Variants in SPOUT1 observed in about 807,000 individuals in gnomAD.
SPOUT1 encodes SPOUT domain containing methyltransferase 1, also known as 28S rRNA (uridine-N(3))-methyltransferase.
In SPOUT1, 40 loss-of-function variants were observed where a neutral mutation model predicts 54.8. The ratio of observed to expected loss-of-function variants is 0.73; its 90% CI spans 0.57 to 0.95. SPOUT1 has a LOEUF of 0.95. Ranked by LOEUF, SPOUT1 falls within the 40% of genes least tolerant of loss-of-function variation. The pLI, the probability that SPOUT1 is intolerant of heterozygous loss-of-function variation, is 0.00. For synonymous variants in SPOUT1, 193 were observed against 200.3 expected (o/e 0.96, Z 0.31); for missense variants, 437 against 499.5 (o/e 0.87, Z 1.19).
In SPOUT1 at chr9:128,820,979, C is replaced by A; in HGVS notation, c.*1786G>T. 2 of 792,588 alleles carry A rather than the reference C, an allele frequency of 2.5e-6. No individual in the cohort carries two copies. Among genetic ancestry groups the A allele is most frequent in the Non-Finnish European group, 4.1e-6 (2 of 492,564 alleles). The allele number at this position is 792,588 out of a possible 1,614,324, so 49.1% of individuals were successfully genotyped here. A position where few individuals can be genotyped will look rare whatever the true frequency, so the allele number is the denominator to read the frequency against. ...CTACTCATCTGGTTTCTTGGCAAGC[C>A]TGTCAGCTTCCCTGCCTCGAGTCCC... On this transcript the variant is annotated 3_prime_UTR_variant, in exon 12 of 12. Transcript: ENST00000361256.
At position 128,826,311 on chromosome 9, in the gene SPOUT1, G is replaced by A. The variant is rs1025097250; in HGVS notation, c.508+73C>T. On this transcript the variant is annotated intron_variant, in intron 6 of 11. Transcript: ENST00000361256. The surrounding 1 kb of genome is among the most constrained non-coding windows in gnomAD (Gnocchi z 5.5). Reference sequence around the variant, plus strand: ...CTGCTTTCCCACCTGGACAGCGCAGGGTAGGACTGGGTGGTCTCAGTGTCT... The same window carrying A: ...CTGCTTTCCCACCTGGACAGCGCAGAGTAGGACTGGGTGGTCTCAGTGTCT... 3.8e-6 allele frequency: 6 copies of A among 1,577,544 alleles called. No homozygotes were observed. The highest frequency in any genetic ancestry group is 1.7e-5 in the Admixed American group (1 of 59,950).
In SPOUT1 at chr9:128,822,308, G is replaced by T; in HGVS notation, c.*457C>A. On this transcript the variant is annotated 3_prime_UTR_variant, in exon 12 of 12. Coordinates refer to ENST00000361256, the MANE Select transcript of SPOUT1 (RefSeq NM_016390.4). ...GTTCATCCAGGCCCCCTGCCCACGT[G>T]TGCCTGGGTCTGCCCACAGGACAGA... 1 of 1,607,654 alleles carries T rather than the reference G, an allele frequency of 6.2e-7. No homozygotes were observed.
At position 128,822,558 on chromosome 9, in the gene SPOUT1, A is replaced by C. The variant is rs1382094939; in HGVS notation, c.*207T>G. 6.4e-7 allele frequency: 1 copy of C among 1,563,886 alleles called. No individual in the cohort carries two copies. The highest frequency in any genetic ancestry group is 2.3e-5 in the East Asian group (1 of 42,646). On this transcript the variant is annotated 3_prime_UTR_variant, in exon 12 of 12. Transcript: ENST00000361256. ...GCTTCGGGGCTGCTCTTTGTGCCAAACATCCTGGCGCGGGCAGGCAGCCTC... is the reference window on the plus strand; with the variant it reads ...GCTTCGGGGCTGCTCTTTGTGCCAACCATCCTGGCGCGGGCAGGCAGCCTC...
chr9:128,829,722 G>A (rs529517822), intron 1 of SPOUT1, 23 bp downstream of exon 1: 1 of 1,574,236 alleles, frequency 6.4e-7, no homozygotes, highest in Non-Finnish European at 8.7e-7. Context: ...TGCCCTGCAC[G>A]GGGTCCCGCC....
intron 7 of SPOUT1, 83 bp downstream of exon 7, chr9:128,825,939 G>A: frequency 2.5e-6 from 4 of 1,581,310 alleles, no homozygotes; most frequent in Non-Finnish European, 3.5e-6. Flanking sequence ...CAGGTCCAGG[G>A]CTCTCCGCAA....
intron 9 of SPOUT1, 108 bp downstream of exon 9, chr9:128,824,663 G>GC (rs1830202681): frequency 1.3e-6 from 1 of 747,158 alleles, no homozygotes; most frequent in Non-Finnish European, 2.4e-6. Context: ...AGGACACACA[G>GC]CAAGTTGACA....
In SPOUT1 at chr9:128,820,602, C is replaced by T. The variant is rs1224711483; in HGVS notation, c.*2163G>A. On this transcript the variant is annotated 3_prime_UTR_variant, in exon 12 of 12. Coordinates refer to ENST00000361256, the MANE Select transcript of SPOUT1 (RefSeq NM_016390.4). ...GGGTTTCAGGGAGTGACTTTCATTC[C>T]TTGAGCCTCAGTTTCCCCCCGCTTG... is the stretch of plus-strand genomic sequence containing the variant. 1.4e-6 allele frequency: 1 copy of T among 714,186 alleles called. No homozygotes were observed. The highest frequency in any genetic ancestry group is 2.7e-5 in the East Asian group (1 of 36,916). The allele number at this position is 714,186 out of a possible 1,614,324, so 44.2% of individuals were successfully genotyped here.
chr9:128,829,723 G>A, intron 1 of SPOUT1, 22 bp downstream of exon 1: 3 of 1,577,194 alleles, frequency 1.9e-6, no homozygotes, highest in Admixed American at 1.8e-5. Flanking sequence ...GCCCTGCACG[G>A]GGTCCCGCCG....
intron 1 of SPOUT1, 127 bp downstream of exon 1, chr9:128,829,618 T>G (rs1330622554): frequency 1.3e-6 from 1 of 743,426 alleles, no homozygotes; most frequent in Admixed American, 2.7e-5. Context: ...TTCGGGGGCT[T>G]CCGGCCTGGG....
rs2977991 is a variant in SPOUT1, at chr9:128,826,955, C to T, written c.368+77G>A. 1 of 1,434,716 alleles carries T rather than the reference C, an allele frequency of 7.0e-7. No homozygotes were observed. The highest frequency in any genetic ancestry group is 2.3e-5 in the East Asian group (1 of 43,798). 88.9% of individuals were successfully genotyped at this position (1,434,716 alleles called of 1,614,324 possible). On this transcript the variant is annotated intron_variant, in intron 4 of 11. Transcript: ENST00000361256. The surrounding 1 kb of genome is among the most constrained non-coding windows in gnomAD (Gnocchi z 5.5). ...GGAAGAGCCAGGCATGTGGACGGGG[C>T]CATGGTGAAGCCTCGGCCCATCCCG... is the stretch of plus-strand genomic sequence containing the variant.
At chr9:128,824,298 G>A in intron 9 of SPOUT1, 124 bp from the exon 10 acceptor site, 1 of 560,290 alleles carries the variant, frequency 1.8e-6, no homozygotes, top group East Asian at 3.7e-5. Context: ...GTGTGTGTGT[G>A]TGCGTGTGTG....
chr9:128,828,823 C>T lies in SPOUT1; in HGVS notation c.120G>A (p.Leu40=). ...CCCGCTGCCGCTCCAGTTTTTTCAT[C>T]AGCTTGAGATCCTTCCATTTTTTTT... The part of the protein sequence containing the change: ...EEKKKWKDLK[L]MKKLERQRAQ... Residue 40 remains leucine (L), a synonymous_variant, in exon 3 of 12, where the codon CTG becomes CTA. Coordinates refer to ENST00000361256, the MANE Select transcript of SPOUT1 (RefSeq NM_016390.4). 6.2e-7 allele frequency: 1 copy of T among 1,614,196 alleles called. No individual in the cohort carries two copies. Among genetic ancestry groups the T allele is most frequent in the African/African-American group, 1.3e-5 (1 of 75,066 alleles).
rs1041211773 is a variant in SPOUT1 at position 128,820,914 on chromosome 9, G to C, written c.*1851C>G. The C allele has an allele frequency of 5.6e-6, 8 of 1,430,890 alleles. No individual in the cohort carries two copies. Among genetic ancestry groups the C allele is most frequent in the Admixed American group, 2.0e-5 (1 of 51,110 alleles). The allele number at this position is 1,430,890 out of a possible 1,614,324, so 88.6% of individuals were successfully genotyped here. A position where few individuals can be genotyped will look rare whatever the true frequency, so the allele number is the denominator to read the frequency against. On this transcript the variant is annotated 3_prime_UTR_variant, in exon 12 of 12. Transcript: ENST00000361256. ...CCTGAGGCCCCTACTGCCACTCACA[G>C]GGCCAGGCTTGCCCCAGGCTCTGGG...
Position 128,820,596 on chromosome 9 carries a change from T to G in SPOUT1, c.*2169A>C, listed in dbSNP as rs572385887. 20 of 690,556 alleles carry G rather than the reference T, an allele frequency of 2.9e-5. No individual in the cohort carries two copies. In the South Asian group the frequency reaches 3.3e-4, roughly 11 times the overall value. The allele number at this position is 690,556 out of a possible 1,614,324, so 42.8% of individuals were successfully genotyped here. ...AGCCCTGGGTTTCAGGGAGTGACTT[T>G]CATTCCTTGAGCCTCAGTTTCCCCC... is the stretch of plus-strand genomic sequence containing the variant. On this transcript the variant is annotated 3_prime_UTR_variant, in exon 12 of 12. Transcript: ENST00000361256.
intron 3 of SPOUT1, among the ~76,000 whole-genome samples, chr9:128,827,611 G>A (rs185235117): frequency 3.9e-5 from 6 of 152,352 alleles, no homozygotes; most frequent in Admixed American, 2.0e-4. Context: ...CTTCAGCCCC[G>A]GGAAGTCAAA....
At position 128,822,633 on chromosome 9, in the gene SPOUT1, G is replaced by C; in HGVS notation, c.*132C>G. On this transcript the variant is annotated 3_prime_UTR_variant, in exon 12 of 12. Transcript: ENST00000361256. Reference sequence around the variant, plus strand: ...TGAGGGTGGAGCCCAGTGAGACTGTGGGTGTGTGCAGGCCGGGGAGTATTA... The same window carrying C: ...TGAGGGTGGAGCCCAGTGAGACTGTCGGTGTGTGCAGGCCGGGGAGTATTA... The C allele has an allele frequency of 6.4e-7, 1 of 1,562,150 alleles. No individual in the cohort carries two copies.
At position 128,822,055 on chromosome 9, in the gene SPOUT1, A is replaced by G. The variant is rs897861327; in HGVS notation, c.*710T>C. On this transcript the variant is annotated 3_prime_UTR_variant, in exon 12 of 12. Transcript: ENST00000361256. ...AGTCTCCCCTCAGACGAATGTGAAT[A>G]TTCAGAAGGCTCGATTCTCCTAGCA... is the stretch of plus-strand genomic sequence containing the variant. The G allele has an allele frequency of 2.6e-5, 13 of 504,524 alleles. No homozygotes were observed. The highest frequency in any genetic ancestry group is 4.7e-5 in the Non-Finnish European group (13 of 277,858). The allele number at this position is 504,524 out of a possible 1,614,324, so 31.3% of individuals were successfully genotyped here. A position where few individuals can be genotyped will look rare whatever the true frequency, so the allele number is the denominator to read the frequency against.
chr9:128,819,766 A>G lies in SPOUT1; in HGVS notation c.*2999T>C, dbSNP rs4298587. ...CCTGAGCTTGTTTTCCTGCAACTAG[A>G]CAGTCCTATCTGGAGGTGATGGGCA... On this transcript the variant is annotated 3_prime_UTR_variant, in exon 12 of 12. Transcript: ENST00000361256. The G allele has an allele frequency of 4.8e-3, 745 of 156,642 alleles. 5 individuals carry two copies. The highest frequency in any genetic ancestry group is 0.017 in the African/African-American group (710 of 41,642). The allele number at this position is 156,642 out of a possible 1,614,324, so 9.7% of individuals were successfully genotyped here.
Position 128,826,364 on chromosome 9 carries a change from GC to G in SPOUT1, c.508+19del. 6.2e-7 allele frequency: 1 copy of G among 1,612,388 alleles called. No individual in the cohort carries two copies. Among genetic ancestry groups the G allele is most frequent in the East Asian group, 2.2e-5 (1 of 44,862 alleles). On this transcript the variant is annotated intron_variant, in intron 6 of 11. Coordinates refer to ENST00000361256, the MANE Select transcript of SPOUT1 (RefSeq NM_016390.4). This position sits in a 1 kb window ranked among gnomAD's most constrained non-coding sequence, Gnocchi z 5.5. ...GGCATGATCCAGGGGAAATGGGGGG[GC>G]GGGCCCATACAGCGTTACCTGCAAA...
Sources: gnomAD v4.1 joint callset for allele counts (sites outside exome capture counted in the v4.1 genomes callset) on GRCh38, gnomAD v4.1.1 for gene constraint, Gnocchi (gnomAD v3.1) non-coding constraint, MANE v1.5 for transcripts, NCBI Gene and HGNC (gene_info 2026-07-23, HGNC 2026-07-21) for gene names.